TCF12: variants seen among roughly 807,000 people sequenced by gnomAD.
TCF12 encodes the protein DNA-binding protein HTF4.
TCF12 carries 45 observed loss-of-function variants against 86.0 expected under a neutral mutation model. That is an observed-to-expected ratio of 0.52 (90% CI 0.41 to 0.67). TCF12 has a LOEUF of 0.67. Among genes scored for constraint, TCF12 ranks in the 30% least tolerant of loss-of-function variants. TCF12 has a pLI of 0.00. For missense variants in TCF12, 881 were observed against 859.9 expected (o/e 1.02, Z -0.31); for synonymous variants, 330 against 299.6 (o/e 1.10, Z -1.05).
chr15:56,941,088 C>G (rs566878642), intron 3 of TCF12, among the ~76,000 whole-genome samples: 325 of 19,594 alleles, frequency 0.017, no homozygotes, highest in Admixed American at 0.042. Context: ...TATTTTAGGC[C>G]AGGTGTGGTG....
chr15:56,978,386 A>C (rs2062717294), intron 3 of TCF12, among the ~76,000 whole-genome samples: 1 of 152,194 alleles, frequency 6.6e-6, no homozygotes, highest in African/African-American at 2.4e-5. Context: ...TAGTATTAAT[A>C]TTTATATGAA....
chr15:57,083,533 T>C (rs1038258849), intron 4 of TCF12, among the ~76,000 whole-genome samples: 3 of 152,186 alleles, frequency 2.0e-5, no homozygotes, highest in Admixed American at 6.5e-5. Context: ...ACTAACACTT[T>C]TTATAATTAA....
rs35959497 is a variant in TCF12 at position 56,976,224 on chromosome 15, C to CTT, written c.148+55149_148+55150dup. On this transcript the variant is annotated intron_variant, in intron 3 of 20. Transcript: ENST00000333725. ...CTAAATAGTAGATAAAAGGAAGTTT[C>CTT]TTTTTTTTTTTTTTTTTTTTTTTTG... 9.8e-3 allele frequency among the ~76,000 whole-genome samples: 560 copies of CTT among 57,380 alleles called. 11 individuals carry two copies. Among genetic ancestry groups the CTT allele is most frequent in the African/African-American group, 0.017 (246 of 14,098 alleles). 37.6% of individuals were successfully genotyped at this position (57,380 alleles called of 152,430 possible).
At chr15:57,079,469 A>G (rs1238449985) in intron 4 of TCF12, among the ~76,000 whole-genome samples, 1 of 152,114 alleles carries the variant, frequency 6.6e-6, no homozygotes, top group Non-Finnish European at 1.5e-5. Context: ...GCTTTTTGGT[A>G]GAGTAGGGAT....
intron 5 of TCF12, among the ~76,000 whole-genome samples, chr15:57,106,007 T>A (rs1347825965): frequency 6.6e-6 from 1 of 152,116 alleles, no homozygotes; most frequent in Non-Finnish European, 1.5e-5. Context: ...AGCCAGAAAT[T>A]AGAGAAAAGG....
chr15:57,015,118 G>A (rs2065077628), intron 3 of TCF12, among the ~76,000 whole-genome samples: 1 of 151,800 alleles, frequency 6.6e-6, no homozygotes, highest in Admixed American at 6.6e-5. Context: ...GCGAAACCCT[G>A]TCTCTACAAA....
intron 3 of TCF12, among the ~76,000 whole-genome samples, chr15:57,061,668 TATG>T (rs1223941738): frequency 2.0e-5 from 3 of 152,112 alleles, no homozygotes; most frequent in Admixed American, 1.3e-4. Flanking sequence ...TATAAGAAAA[TATG>T]AAGTCATAAA....
intron 3 of TCF12, among the ~76,000 whole-genome samples, chr15:57,063,381 G>T (rs2068607442): frequency 6.6e-6 from 1 of 152,132 alleles, no homozygotes; most frequent in African/African-American, 2.4e-5. Context: ...TATGAAAAAT[G>T]AATTATTCAT....
intron 8 of TCF12, among the ~76,000 whole-genome samples, chr15:57,204,164 G>A (rs1016693038): frequency 6.6e-6 from 1 of 152,146 alleles, no homozygotes; most frequent in African/African-American, 2.4e-5. Flanking sequence ...ATGAGGCCAG[G>A]CATAGTGGCT....
intron 3 of TCF12, among the ~76,000 whole-genome samples, chr15:56,949,392 A>G (rs1446413972): frequency 6.6e-6 from 1 of 152,246 alleles, no homozygotes; most frequent in African/African-American, 2.4e-5. Flanking sequence ...TGTTACACAC[A>G]TTCAGTAATT....
intron 8 of TCF12, among the ~76,000 whole-genome samples, chr15:57,223,653 T>TGTTGTTTTTTTTTTG (rs1555400235): frequency 7.4e-6 from 1 of 135,294 alleles, no homozygotes; most frequent in Non-Finnish European, 1.6e-5. Flanking sequence ...GTTTTTTTTT[T>TGTTGTTTTTTTTTTG]TTTTTTTTTT....
At chr15:57,075,228 TCTGAGTTTTTG>T (rs1232911465) in intron 4 of TCF12, among the ~76,000 whole-genome samples, 1 of 152,234 alleles carries the variant, frequency 6.6e-6, no homozygotes, top group Non-Finnish European at 1.5e-5. Context: ...AGTTGACTTT[TCTGAGTTTTTG>T]CTGTGTGTGT....
At chr15:57,007,800 TTCTTTC>T (rs2064508623) in intron 3 of TCF12, among the ~76,000 whole-genome samples, 1 of 133,490 alleles carries the variant, frequency 7.5e-6, no homozygotes, top group East Asian at 2.1e-4. Flanking sequence ...CTCTCTTTCT[TTCTTTC>T]TTTCTTTCTT....
intron 8 of TCF12, chr15:57,219,349 C>A (rs2045327896): frequency 8.0e-7 from 1 of 1,255,694 alleles, no homozygotes; most frequent in Non-Finnish European, 1.0e-6. Context: ...CAGCATAAAC[C>A]CTCCCTCTGT....
At chr15:57,234,274 A>G (rs1218433394) in intron 12 of TCF12, among the ~76,000 whole-genome samples, 167 bp downstream of exon 12, 1 of 152,242 alleles carries the variant, frequency 6.6e-6, no homozygotes, top group Non-Finnish European at 1.5e-5. Context: ...CTTAAATGCT[A>G]TGCCTGTGGT....
chr15:56,946,483 T>G (rs1167813446), intron 3 of TCF12, among the ~76,000 whole-genome samples: 1 of 152,162 alleles, frequency 6.6e-6, no homozygotes, highest in Non-Finnish European at 1.5e-5. Flanking sequence ...TTCCTGTTTT[T>G]CTTTTAAGTC....
intron 4 of TCF12, among the ~76,000 whole-genome samples, chr15:57,081,279 G>A (rs528072080): frequency 1.3e-5 from 2 of 152,242 alleles, no homozygotes; most frequent in Admixed American, 1.3e-4. Context: ...TTCTATCGGG[G>A]AGCAGTTATT....
chr15:57,012,490 G>T (rs1213512321), intron 3 of TCF12, among the ~76,000 whole-genome samples: 2 of 152,208 alleles, frequency 1.3e-5, no homozygotes, highest in Non-Finnish European at 2.9e-5. Flanking sequence ...TGATCTACAA[G>T]TGTGGCTCTC....
At chr15:57,007,966 TCTCTCTCTCTCG>T (rs1305307084) in intron 3 of TCF12, among the ~76,000 whole-genome samples, 3 of 148,646 alleles carry the variant, frequency 2.0e-5, no homozygotes, top group South Asian at 2.1e-4. Context: ...TCTCTGTCTC[TCTCTCTCTCTCG>T]CTCTCTCTCT....
Sources: gnomAD v4.1 joint callset for allele counts (sites outside exome capture counted in the v4.1 genomes callset) on GRCh38, gnomAD v4.1.1 for gene constraint, MANE v1.5 for transcripts, NCBI Gene and HGNC (gene_info 2026-07-23, HGNC 2026-07-21) for gene names.